Variants in ABCA13 observed in about 807,000 individuals in gnomAD.
ABCA13 encodes ATP binding cassette subfamily A member 13, also known as ATP-binding cassette sub-family A member 13.
In ABCA13, 476 loss-of-function variants were observed where a neutral mutation model predicts 478.7. That is an observed-to-expected ratio of 0.99 (90% CI 0.92 to 1.07). The LOEUF (loss-of-function observed/expected upper bound fraction) is 1.07, where lower values mean the gene tolerates loss of function less well. Ranked by LOEUF, ABCA13 falls within the 50% of genes least tolerant of loss-of-function variation. The pLI is 0.00. For synonymous variants in ABCA13, 2,252 were observed against 2,158.9 expected (o/e 1.04, Z -1.20); for missense variants, 6,060 against 5,910.6 (o/e 1.03, Z -0.83).
intron 40 of ABCA13, 108 bp from the exon 41 acceptor site, chr7:48,412,245 G>A: frequency 2.5e-6 from 2 of 785,260 alleles, no homozygotes; most frequent in South Asian, 2.0e-5. Context: ...TTTAAGCTTT[G>A]AAATGGAGTT....
chr7:48,267,996 G>A (rs1423391519), intron 15 of ABCA13, among the ~76,000 whole-genome samples: 2 of 152,036 alleles, frequency 1.3e-5, no homozygotes, highest in Non-Finnish European at 2.9e-5. Flanking sequence ...AAAGTGCTCA[G>A]TTTGATGATA....
chr7:48,592,247 C>T (rs910205866), intron 57 of ABCA13, among the ~76,000 whole-genome samples: 1 of 151,652 alleles, frequency 6.6e-6, no homozygotes, highest in Non-Finnish European at 1.5e-5. Context: ...GCTTTTACTT[C>T]ATCCCATAAG....
chr7:48,565,631 TCAAAACAAAA>T (rs577491405), intron 55 of ABCA13, among the ~76,000 whole-genome samples: 2 of 151,942 alleles, frequency 1.3e-5, no homozygotes, highest in Admixed American at 6.6e-5. Context: ...AGACTCCATC[TCAAAACAAAA>T]CAAAACAAAA....
intron 25 of ABCA13, among the ~76,000 whole-genome samples, chr7:48,313,977 GTGTGTA>G (rs68018721): frequency 0.48 from 71,925 of 148,888 alleles, 17,236 homozygotes; most frequent in East Asian, 0.74. Context: ...TTATGTGTGT[GTGTGTA>G]TGTGTGTGTG....
intron 2 of ABCA13, among the ~76,000 whole-genome samples, chr7:48,195,850 C>G (rs1797855575): frequency 6.6e-6 from 1 of 152,010 alleles, no homozygotes; most frequent in African/African-American, 2.4e-5. Context: ...GGCAGAGTGA[C>G]AGGTGCTGTT....
At chr7:48,389,747 G>A (rs557258362) in intron 37 of ABCA13, among the ~76,000 whole-genome samples, 2 of 152,288 alleles carry the variant, frequency 1.3e-5, no homozygotes, top group African/African-American at 4.8e-5. Context: ...CAAATCATGT[G>A]CTCCCAGAGA....
intron 56 of ABCA13, 87 bp from the exon 57 acceptor site, chr7:48,587,067 G>A: frequency 6.4e-7 from 1 of 1,561,720 alleles, no homozygotes; most frequent in Non-Finnish European, 8.7e-7. Context: ...TTAGTGGGAG[G>A]TAGAAGCAGG....
At chr7:48,579,261 A>G (rs777946509) in intron 55 of ABCA13, among the ~76,000 whole-genome samples, 1 of 152,258 alleles carries the variant, frequency 6.6e-6, no homozygotes, top group Non-Finnish European at 1.5e-5. Flanking sequence ...TATGAAATAC[A>G]TAAAGAATCC....
intron 51 of ABCA13, among the ~76,000 whole-genome samples, chr7:48,513,265 A>C (rs766771949): frequency 1.3e-5 from 2 of 152,246 alleles, no homozygotes; most frequent in Non-Finnish European, 2.9e-5. Flanking sequence ...ATGGCTGCTT[A>C]AAGGCAGGAA....
chr7:48,442,689 G>C (rs971396873), intron 42 of ABCA13, among the ~76,000 whole-genome samples: 4 of 152,186 alleles, frequency 2.6e-5, no homozygotes, highest in Admixed American at 2.0e-4. Flanking sequence ...TTACAACACA[G>C]ATTATTGGGT....
intron 1 of ABCA13, among the ~76,000 whole-genome samples, chr7:48,192,477 G>A (rs952192381): frequency 1.3e-5 from 2 of 152,076 alleles, no homozygotes; most frequent in African/African-American, 4.8e-5. Context: ...AGAATATTAT[G>A]CAACAAGTAA....
intron 41 of ABCA13, among the ~76,000 whole-genome samples, chr7:48,424,978 G>A (rs559244388): frequency 6.6e-6 from 1 of 152,292 alleles, no homozygotes; most frequent in South Asian, 2.1e-4. Context: ...TTGATGGCAC[G>A]CATAACATTC....
intron 1 of ABCA13, among the ~76,000 whole-genome samples, chr7:48,189,509 C>A (rs985986165): frequency 1.3e-5 from 2 of 152,150 alleles, no homozygotes; most frequent in Admixed American, 1.3e-4. Flanking sequence ...AAATAAAACA[C>A]TCTGAGATGT....
At chr7:48,478,586 G>A (rs1248879258) in intron 45 of ABCA13, among the ~76,000 whole-genome samples, 1 of 152,074 alleles carries the variant, frequency 6.6e-6, no homozygotes, top group Non-Finnish European at 1.5e-5. Flanking sequence ...TTGGATCCTG[G>A]CAAATCAGGT....
chr7:48,225,466 T>C (rs1038055984), intron 5 of ABCA13, among the ~76,000 whole-genome samples: 1 of 152,192 alleles, frequency 6.6e-6, no homozygotes, highest in African/African-American at 2.4e-5. Flanking sequence ...TTAACACTAA[T>C]ACAATAGAAT....
intron 48 of ABCA13, among the ~76,000 whole-genome samples, chr7:48,493,061 A>C (rs1320427926): frequency 6.6e-6 from 1 of 152,146 alleles, no homozygotes; most frequent in African/African-American, 2.4e-5. Flanking sequence ...ATAGCAACAG[A>C]AAACAGACTA....
chr7:48,410,629 C>T lies in ABCA13; in HGVS notation c.12180C>T (p.Cys4060=). 2 of 1,614,042 alleles carry T rather than the reference C, an allele frequency of 1.2e-6. No individual in the cohort carries two copies. Among genetic ancestry groups the T allele is most frequent in the Non-Finnish European group, 1.7e-6 (2 of 1,179,882 alleles). ...GRLRCCGPPF[C]LKEAYGQGLR... is the part of the protein sequence containing the mutation. ...TCAGGTGCTGCGGTCCTCCCTTCTG[C>T]CTGAAGGAGGCATATGGCCAGGGGC... The change falls in exon 40 of 62, where the codon TGC becomes TGT. Residue 4060 remains cysteine, a synonymous_variant. Transcript: ENST00000435803.
intron 55 of ABCA13, among the ~76,000 whole-genome samples, chr7:48,546,526 G>C (rs931591281): frequency 1.1e-4 from 16 of 151,714 alleles, no homozygotes; most frequent in Admixed American, 6.6e-5. Context: ...TCGTGTGTTA[G>C]ATTATCAGAC....
chr7:48,447,170 G>A (rs937943808), intron 42 of ABCA13, among the ~76,000 whole-genome samples: 11 of 152,162 alleles, frequency 7.2e-5, no homozygotes, highest in African/African-American at 2.4e-4. Context: ...TGCAGTCATT[G>A]CCTCAAAAGT....
Sources: allele counts gnomAD v4.1 joint callset (sites outside exome capture counted in the v4.1 genomes callset), GRCh38; gene constraint gnomAD v4.1.1; transcripts MANE v1.5; gene names NCBI Gene and HGNC (gene_info 2026-07-23, HGNC 2026-07-21).